SMAD4: variants seen among roughly 807,000 people sequenced by gnomAD.
SMAD4 encodes SMAD family member 4.
A neutral mutation model predicts 63.2 loss-of-function variants in SMAD4; 7 were observed. The ratio of observed to expected loss-of-function variants is 0.11; its 90% CI spans 0.06 to 0.21. The LOEUF (loss-of-function observed/expected upper bound fraction) is 0.21. Among genes scored for constraint, SMAD4 ranks in the 10% least tolerant of loss-of-function variants. The pLI, the probability that SMAD4 is intolerant of heterozygous loss-of-function variation, is 1.00. For synonymous variants in SMAD4, 215 were observed against 235.4 expected (o/e 0.91, Z 0.79); for missense variants, 312 against 693.8 (o/e 0.45, Z 6.18).
At position 51,083,110 on chromosome 18, in the gene SMAD4, T is replaced by C. The variant is rs369040052; in HGVS notation, c.*4643T>C. The C allele has an allele frequency of 7.5e-5, 17 of 225,702 alleles. No homozygotes were observed. In the South Asian group the frequency reaches 2.7e-3, roughly 36 times the overall value. The allele number at this position is 225,702 out of a possible 1,614,324, so 14.0% of individuals were successfully genotyped here. A position where few individuals can be genotyped will look rare whatever the true frequency, so the allele number is the denominator to read the frequency against. Reference sequence around the variant, plus strand: ...TAGAATAATATTTTGAAAGGTTTCATTGCTTCCACTTGAATGCTGCTCTTA... The same window carrying C: ...TAGAATAATATTTTGAAAGGTTTCACTGCTTCCACTTGAATGCTGCTCTTA... On this transcript the variant is annotated 3_prime_UTR_variant, in exon 12 of 12. Transcript: ENST00000342988.
rs372316981 is a variant in SMAD4 at position 51,047,066 on chromosome 18, C to T, written c.20C>T (p.Thr7Met). The T allele has an allele frequency of 6.4e-5, 104 of 1,613,528 alleles. No homozygotes were observed. Among genetic ancestry groups the T allele is most frequent in the Non-Finnish European group, 7.7e-5 (91 of 1,179,562 alleles). Residue 7 changes from threonine to methionine, a missense_variant, in exon 2 of 12, where the codon ACG (threonine) becomes ATG (methionine). Transcript: ENST00000342988. ...GAACAAATGGACAATATGTCTATTA[C>T]GAATACACCAACAAGTAATGATGCC... MDNMSI[T>M]NTPTSNDACL...
chr18:51,040,026 C>T (rs1276462858), intron 1 of SMAD4, among the ~76,000 whole-genome samples: 4 of 152,134 alleles, frequency 2.6e-5, no homozygotes, highest in South Asian at 2.1e-4. Context: ...TTGCACTAAC[C>T]GTGAACACCT....
In SMAD4 at chr18:51,084,002, A is replaced by C. The variant is rs75712226; in HGVS notation, c.*5535A>C. 1.1e-5 allele frequency: 1 copy of C among 94,382 alleles called. No homozygotes were observed. Among genetic ancestry groups the C allele is most frequent in the Non-Finnish European group, 2.3e-5 (1 of 44,428 alleles). 5.8% of individuals were successfully genotyped at this position (94,382 alleles called of 1,614,324 possible). On this transcript the variant is annotated 3_prime_UTR_variant, in exon 12 of 12. Transcript: ENST00000342988. Reference sequence around the variant, plus strand: ...CAATAAACACTTAACGCGCGTGCGCACGCGCGCGCGCACACACACACACAC... The same window carrying C: ...CAATAAACACTTAACGCGCGTGCGCCCGCGCGCGCGCACACACACACACAC...
intron 8 of SMAD4, among the ~76,000 whole-genome samples, chr18:51,064,424 A>G (rs1263700104): frequency 6.6e-6 from 1 of 151,994 alleles, no homozygotes; most frequent in African/African-American, 2.4e-5. Flanking sequence ...TTGTTTGCTT[A>G]TTTGTCTGCC....
chr18:51,047,304 T>C lies in SMAD4; in HGVS notation c.249+9T>C, dbSNP rs770523387. On this transcript the variant is annotated intron_variant, in intron 2 of 11. Transcript: ENST00000342988. ...TGGATGGGAGGCTTCAGGTTAGTCT[T>C]ATAAGAGTTTTTCTATACCCTCTAT... 1.8e-5 allele frequency: 29 copies of C among 1,613,318 alleles called. No individual in the cohort carries two copies. The highest frequency in any genetic ancestry group is 2.4e-5 in the Non-Finnish European group (28 of 1,179,652).
chr18:51,036,056 A>G (rs1186899969), intron 1 of SMAD4, among the ~76,000 whole-genome samples: 1 of 152,110 alleles, frequency 6.6e-6, no homozygotes, highest in Non-Finnish European at 1.5e-5. Context: ...AGCCCTCTAT[A>G]ACCTTCAACT....
intron 5 of SMAD4, among the ~76,000 whole-genome samples, chr18:51,056,620 CAAAAAAAAA>C (rs74178610): frequency 1.7e-5 from 1 of 59,322 alleles, no homozygotes. Context: ...ACTCCATCTC[CAAAAAAAAA>C]AAAAAAAAAA....
At chr18:51,075,713 A>G (rs1009444457) in intron 10 of SMAD4, among the ~76,000 whole-genome samples, 7 of 152,188 alleles carry the variant, frequency 4.6e-5, no homozygotes, top group Non-Finnish European at 7.3e-5. Flanking sequence ...AGATATGGCA[A>G]CCCCTTCCTT....
intron 9 of SMAD4, 59 bp from the exon 10 acceptor site, chr18:51,066,960 C>A: frequency 7.3e-7 from 1 of 1,369,330 alleles, no homozygotes; most frequent in Non-Finnish European, 1.0e-6. Flanking sequence ...ACAATCTGAA[C>A]TAAAATTTAA....
intron 1 of SMAD4, among the ~76,000 whole-genome samples, chr18:51,035,305 T>G (rs1909171875): frequency 6.6e-6 from 1 of 152,200 alleles, no homozygotes; most frequent in African/African-American, 2.4e-5. Flanking sequence ...AAGTTGATTT[T>G]CTTTTAAAGT....
chr18:51,062,293 C>G (rs1223954017), intron 8 of SMAD4, among the ~76,000 whole-genome samples: 2 of 152,034 alleles, frequency 1.3e-5, no homozygotes, highest in South Asian at 2.1e-4. Flanking sequence ...GTATGTAACA[C>G]AAGTAAGTAT....
intron 8 of SMAD4, 51 bp downstream of exon 8, chr18:51,059,967 A>G (rs757031495): frequency 7.4e-7 from 1 of 1,355,210 alleles, no homozygotes; most frequent in Non-Finnish European, 1.1e-6. Context: ...TTTAGTGGTG[A>G]TTGAAACGCA....
chr18:51,068,067 G>A lies in SMAD4; in HGVS notation c.1308+880G>A, dbSNP rs148415488. ...TGATTGTAAATTGGTAGAATTAACT[G>A]TGTCTCATAACTTATTACCAGGAAG... On this transcript the variant is annotated intron_variant, in intron 10 of 11. Transcript: ENST00000342988. 7.2e-3 allele frequency among the ~76,000 whole-genome samples: 1,090 copies of A among 152,276 alleles called. 10 individuals are homozygous for A. Among genetic ancestry groups the A allele is most frequent in the African/African-American group, 0.025 (1,031 of 41,558 alleles).
At chr18:51,072,917 TA>T (rs980191384) in intron 10 of SMAD4, among the ~76,000 whole-genome samples, 1 of 152,196 alleles carries the variant, frequency 6.6e-6, no homozygotes, top group African/African-American at 2.4e-5. Context: ...TCATCCAGTG[TA>T]ACAAATGGAA....
rs1910621742 is a variant in SMAD4, at chr18:51,081,944, C to G, written c.*3477C>G. The G allele has an allele frequency of 4.3e-6, 1 of 231,684 alleles. No individual in the cohort carries two copies. Among genetic ancestry groups the G allele is most frequent in the Non-Finnish European group, 8.5e-6 (1 of 117,238 alleles). The allele number at this position is 231,684 out of a possible 1,614,324, so 14.4% of individuals were successfully genotyped here. A position where few individuals can be genotyped will look rare whatever the true frequency, so the allele number is the denominator to read the frequency against. ...TGGTAACTGGTTAATAGTTACTCAC[C>G]ATTTTATGCAGAGTCACATTAGTTC... On this transcript the variant is annotated 3_prime_UTR_variant, in exon 12 of 12. Coordinates refer to ENST00000342988, the MANE Select transcript of SMAD4 (RefSeq NM_005359.6).
At position 51,054,682 on chromosome 18, in the gene SMAD4, A is replaced by C. The variant is rs1015033235; in HGVS notation, c.455-99A>C. 5 of 763,270 alleles carry C rather than the reference A, an allele frequency of 6.6e-6. No individual in the cohort carries two copies. In the African/African-American group the frequency reaches 8.7e-5, roughly 13 times the overall value. The allele number at this position is 763,270 out of a possible 1,614,324, so 47.3% of individuals were successfully genotyped here. ...AATTAAGGTTAGTAATTTACACTGT[A>C]ATTGATTTTAGGTGTTATTATATTA... On this transcript the variant is annotated intron_variant, in intron 4 of 11. Coordinates refer to ENST00000342988, the MANE Select transcript of SMAD4 (RefSeq NM_005359.6).
rs1446772303 is a variant in SMAD4 at position 51,079,671 on chromosome 18, A to T, written c.*1204A>T. On this transcript the variant is annotated 3_prime_UTR_variant, in exon 12 of 12. Transcript: ENST00000342988. ...TCATATCAATTGGCAGTGACTTTGT[A>T]TAGAGAATTTAAGTAGAAAAGTTGC... 8.6e-6 allele frequency: 2 copies of T among 233,484 alleles called. No homozygotes were observed. The highest frequency in any genetic ancestry group is 1.2e-4 in the East Asian group (2 of 16,478). 14.5% of individuals were successfully genotyped at this position (233,484 alleles called of 1,614,324 possible). A position where few individuals can be genotyped will look rare whatever the true frequency, so the allele number is the denominator to read the frequency against.
chr18:51,036,987 C>T (rs1009994598), intron 1 of SMAD4, among the ~76,000 whole-genome samples: 1 of 152,104 alleles, frequency 6.6e-6, no homozygotes, highest in Non-Finnish European at 1.5e-5. Flanking sequence ...TGGTGAAACC[C>T]CGTCTCTACT....
At chr18:51,076,877 G>C in intron 11 of SMAD4, 101 bp downstream of exon 11, 7 of 881,484 alleles carry the variant, frequency 7.9e-6, no homozygotes, top group East Asian at 3.0e-5. Flanking sequence ...AGAAATTAAA[G>C]TTTTTTTTTA....
Sources: allele counts gnomAD v4.1 joint callset (sites outside exome capture counted in the v4.1 genomes callset), GRCh38; gene constraint gnomAD v4.1.1; transcripts MANE v1.5; gene names NCBI Gene and HGNC (gene_info 2026-07-23, HGNC 2026-07-21).